The following KCNT1 variants were observed in gnomAD, a reference collection of about 807,000 sequenced individuals.
KCNT1 encodes potassium sodium-activated channel subfamily T member 1.
A neutral mutation model predicts 147.8 loss-of-function variants in KCNT1; 78 were observed. That is an observed-to-expected ratio of 0.53 (90% CI 0.44 to 0.64). KCNT1 has a LOEUF of 0.64. KCNT1 is among the 30% of genes least tolerant of loss of function. The pLI is 0.00. For synonymous variants in KCNT1, 867 were observed against 748.8 expected (o/e 1.16, Z -2.58); for missense variants, 1,419 against 1,750.3 (o/e 0.81, Z 3.38).
chr9:135,783,603 G>A (rs930336224), intron 24 of KCNT1, among the ~76,000 whole-genome samples: 1 of 152,246 alleles, frequency 6.6e-6, no homozygotes, highest in African/African-American at 2.4e-5. Flanking sequence ...CAGGGAGCCC[G>A]ATGCTTGCTC....
At chr9:135,776,341 T>C (rs912006800) in intron 20 of KCNT1, among the ~76,000 whole-genome samples, 3 of 152,100 alleles carry the variant, frequency 2.0e-5, no homozygotes, top group Non-Finnish European at 2.9e-5. Context: ...CACTACAGCC[T>C]CCACCTCCCA....
intron 2 of KCNT1, among the ~76,000 whole-genome samples, chr9:135,723,734 T>C (rs760923375): frequency 2.0e-5 from 3 of 152,176 alleles, no homozygotes. Context: ...GGGACCTTGT[T>C]ACTGATGATT....
intron 2 of KCNT1, among the ~76,000 whole-genome samples, chr9:135,746,026 C>T (rs117257274): frequency 2.6e-5 from 4 of 152,254 alleles, no homozygotes; most frequent in African/African-American, 9.6e-5. Flanking sequence ...CCCCAGGTGC[C>T]GCTGCGTGAC....
In KCNT1 at chr9:135,777,409, A is replaced by G. The variant is rs765974520; in HGVS notation, c.2421A>G (p.Ala807=). ...AGAACAAGCTGATCATCGTCTCGGC[A>G]GAGACGGCCGGCAATGGGCTGTACA... The part of the protein sequence containing the change: ...GFKNKLIIVS[A]ETAGNGLYNF... Residue 807 remains alanine (A), a synonymous_variant, in exon 21 of 31, where the codon GCA becomes GCG. Coordinates refer to ENST00000371757, the MANE Select transcript of KCNT1 (RefSeq NM_020822.3). 1.7e-5 allele frequency: 28 copies of G among 1,613,946 alleles called. 1 individual carries two copies. In the South Asian group the frequency reaches 2.7e-4, roughly 16 times the overall value.
At position 135,770,947 on chromosome 9, in the gene KCNT1, C is replaced by T. The variant is rs1289459683; in HGVS notation, c.1860C>T (p.Asp620=). 6.2e-7 allele frequency: 1 copy of T among 1,613,598 alleles called. No individual in the cohort carries two copies. The highest frequency in any genetic ancestry group is 8.5e-7 in the Non-Finnish European group (1 of 1,179,856). ...CCCGGCACATCCTGGCCGCCTCTGA[C>T]ACCTGCTTCTACATCAACATCACCA... ...PGPRHILAAS[D]TCFYINITKE... Residue 620 remains aspartate, a synonymous_variant, in exon 18 of 31, where the codon GAC becomes GAT. Coordinates refer to ENST00000371757, the MANE Select transcript of KCNT1 (RefSeq NM_020822.3).
chr9:135,714,530 G>A lies in KCNT1; in HGVS notation c.111-47G>A, dbSNP rs1302498376. The A allele has an allele frequency of 9.8e-7, 1 of 1,016,934 alleles. No homozygotes were observed. Among genetic ancestry groups the A allele is most frequent in the East Asian group, 8.7e-5 (1 of 11,506 alleles). 63.0% of individuals were successfully genotyped at this position (1,016,934 alleles called of 1,614,324 possible). On this transcript the variant is annotated intron_variant, in intron 1 of 30. Transcript: ENST00000371757. The surrounding 1 kb of genome is among the most constrained non-coding windows in gnomAD (Gnocchi z 6.2). Reference sequence around the variant, plus strand: ...GGCGGGCCGGGGGCTGCGCGCGTCCGCGAGGGCGCCCGACGCGGGCTGAGG... The same window carrying A: ...GGCGGGCCGGGGGCTGCGCGCGTCCACGAGGGCGCCCGACGCGGGCTGAGG...
intron 11 of KCNT1, among the ~76,000 whole-genome samples, chr9:135,761,398 C>A (rs928387503): frequency 6.6e-6 from 1 of 152,212 alleles, no homozygotes; most frequent in African/African-American, 2.4e-5. Context: ...ATTTCATAAC[C>A]AGGCAAGGGC....
Position 135,714,479 on chromosome 9 carries a change from C to T in KCNT1, c.111-98C>T. 2.4e-6 allele frequency: 2 copies of T among 847,678 alleles called. No individual in the cohort carries two copies. The highest frequency in any genetic ancestry group is 2.8e-6 in the Non-Finnish European group (2 of 708,894). The allele number at this position is 847,678 out of a possible 1,614,324, so 52.5% of individuals were successfully genotyped here. ...CCCGCCCGGTGGGTCGCGGTGGCCGCGGGCTGCGCTGCGCGGGCCGGGCCT... is the reference window on the plus strand; with the variant it reads ...CCCGCCCGGTGGGTCGCGGTGGCCGTGGGCTGCGCTGCGCGGGCCGGGCCT... On this transcript the variant is annotated intron_variant, in intron 1 of 30. Transcript: ENST00000371757. The surrounding 1 kb of genome is among the most constrained non-coding windows in gnomAD (Gnocchi z 6.2).
In KCNT1 at chr9:135,702,191, A is replaced by T; in HGVS notation, c.-68A>T. 8.4e-7 allele frequency: 1 copy of T among 1,190,624 alleles called. No individual in the cohort carries two copies. The highest frequency in any genetic ancestry group is 2.0e-5 in the Admixed American group (1 of 49,698). The allele number at this position is 1,190,624 out of a possible 1,614,324, so 73.8% of individuals were successfully genotyped here. A position where few individuals can be genotyped will look rare whatever the true frequency, so the allele number is the denominator to read the frequency against. ...GAAAAAAAAAATGTTTTTCAGGGCA[A>T]CGCGAGGGAAGAAGGTGGCGGCTCC... On this transcript the variant is annotated 5_prime_UTR_variant, in exon 1 of 31. Transcript: ENST00000371757.
At chr9:135,784,491 C>T (rs1833864857) in intron 25 of KCNT1, 44 bp from the exon 26 acceptor site, 3 of 261,310 alleles carry the variant, frequency 1.1e-5, no homozygotes, top group East Asian at 5.1e-5. Context: ...GGCTCCCTCC[C>T]TCCCTCCCTC....
intron 2 of KCNT1, among the ~76,000 whole-genome samples, chr9:135,725,544 C>T (rs1444536667): frequency 6.6e-6 from 1 of 152,190 alleles, no homozygotes; most frequent in Non-Finnish European, 1.5e-5. Context: ...CTGCCAACAC[C>T]AGGATTTTGC....
intron 2 of KCNT1, among the ~76,000 whole-genome samples, chr9:135,747,141 C>T (rs939825309): frequency 2.4e-4 from 37 of 152,084 alleles, no homozygotes; most frequent in African/African-American, 8.7e-4. Context: ...CCAAGGAGAA[C>T]GGAGCGGAGG....
At position 135,757,139 on chromosome 9, in the gene KCNT1, C is replaced by G; in HGVS notation, c.601-17C>G. ...CACCCTCCATCGCCCCCGCTGATAC[C>G]CCCCGTTTGGCCCCAGGGCAACATC... On this transcript the variant is annotated splice_polypyrimidine_tract_variant and intron_variant, in intron 7 of 30. Transcript: ENST00000371757. 2 of 1,596,116 alleles carry G rather than the reference C, an allele frequency of 1.3e-6. No homozygotes were observed. The highest frequency in any genetic ancestry group is 1.1e-5 in the South Asian group (1 of 90,718).
At chr9:135,732,750 ATCTCTCTC>A (rs71505362) in intron 2 of KCNT1, among the ~76,000 whole-genome samples, 4 of 147,792 alleles carry the variant, frequency 2.7e-5, no homozygotes, top group Admixed American at 6.7e-5. Context: ...AGTCCAACCT[ATCTCTCTC>A]TCTCTCTCTC....
intron 2 of KCNT1, 140 bp from the exon 3 acceptor site, chr9:135,749,958 G>A (rs111288842): frequency 1.0e-5 from 7 of 675,870 alleles, no homozygotes; most frequent in South Asian, 8.3e-5. Context: ...GAGGTGGAGG[G>A]AGTGGTCCTG....
At chr9:135,781,688 A>T (rs1833621002) in intron 24 of KCNT1, among the ~76,000 whole-genome samples, 1 of 152,180 alleles carries the variant, frequency 6.6e-6, no homozygotes, top group Non-Finnish European at 1.5e-5. Flanking sequence ...CCTGCAGCCA[A>T]CATCTTCTAC....
chr9:135,776,893 G>GCC (rs1170396079), intron 20 of KCNT1, among the ~76,000 whole-genome samples: 2 of 152,208 alleles, frequency 1.3e-5, no homozygotes, highest in East Asian at 3.9e-4. Flanking sequence ...CTTGGCCTTC[G>GCC]CCTGCTCCAG....
intron 2 of KCNT1, among the ~76,000 whole-genome samples, chr9:135,739,306 C>A (rs1212265191): frequency 6.6e-6 from 1 of 152,132 alleles, no homozygotes; most frequent in Non-Finnish European, 1.5e-5. Context: ...TCCAGTTCTC[C>A]TGCCACTGTG....
chr9:135,769,455 C>G lies in KCNT1; in HGVS notation c.1511-492C>G, dbSNP rs906948540. Among the ~76,000 whole-genome samples, 3 of 152,270 alleles carry G rather than the reference C, an allele frequency of 2.0e-5. No homozygotes were observed. The East Asian group carries it at 5.8e-4, about 29-fold the overall frequency. ...GGGGACGGCAGACCCCCATCCTCAC[C>G]GCATCCGAGAAGGGACCTAGGGGGT... On this transcript the variant is annotated intron_variant, in intron 15 of 30. Transcript: ENST00000371757.
Sources: allele counts gnomAD v4.1 joint callset (sites outside exome capture counted in the v4.1 genomes callset), GRCh38; gene constraint gnomAD v4.1.1; non-coding constraint Gnocchi (gnomAD v3.1); transcripts MANE v1.5; gene names NCBI Gene and HGNC (gene_info 2026-07-23, HGNC 2026-07-21).